The following VASP variants were observed in gnomAD, a reference collection of about 807,000 sequenced individuals.
VASP encodes the protein vasodilator-stimulated phosphoprotein.
VASP carries 27 observed loss-of-function variants against 54.4 expected under a neutral mutation model. That is an observed-to-expected ratio of 0.50 (90% CI 0.37 to 0.68). VASP has a LOEUF of 0.68. VASP is among the 30% of genes least tolerant of loss of function. VASP has a pLI of 0.00. For synonymous variants in VASP, 233 were observed against 209.8 expected, an observed-to-expected ratio of 1.11 and a Z score of -0.96; for missense variants, 488 against 528.3, an observed-to-expected ratio of 0.92 and a Z score of 0.75.
At chr19:45,516,757 G>A (rs969799491) in intron 1 of VASP, among the ~76,000 whole-genome samples, 2 of 152,012 alleles carry the variant, frequency 1.3e-5, no homozygotes, top group African/African-American at 4.8e-5. Context: ...CCAGCACTTT[G>A]TGGGGCTGAG....
At position 45,526,220 on chromosome 19, in the gene VASP, G is replaced by C. The variant is rs1360910670; in HGVS notation, c.*43G>C. 1 of 1,582,646 alleles carries C rather than the reference G, an allele frequency of 6.3e-7. No individual in the cohort carries two copies. The highest frequency in any genetic ancestry group is 1.4e-5 in the African/African-American group (1 of 73,034). On this transcript the variant is annotated 3_prime_UTR_variant, in exon 13 of 13. Coordinates refer to ENST00000245932, the MANE Select transcript of VASP (RefSeq NM_003370.4). ...ACCCGCTTCTCCTTTCCGCACACCCGGCCTGTCACCCTGCTTTCCCTGCCT... is the reference window on the plus strand; with the variant it reads ...ACCCGCTTCTCCTTTCCGCACACCCCGCCTGTCACCCTGCTTTCCCTGCCT...
rs371055390 is a variant in VASP at position 45,519,665 on chromosome 19, C to T, written c.343+1571C>T. ...GGTTGGAGTGCAGTGGCGCGATCTC[C>T]GCTCGCTGCAAGCTCTGCCTCCCGG... On this transcript the variant is annotated intron_variant, in intron 3 of 12. Coordinates refer to ENST00000245932, the MANE Select transcript of VASP (RefSeq NM_003370.4). Among the ~76,000 whole-genome samples, 26 of 148,632 alleles carry T rather than the reference C, an allele frequency of 1.7e-4. No homozygotes were observed. In the East Asian group the frequency reaches 2.8e-3, roughly 16 times the overall value.
At position 45,526,707 on chromosome 19, in the gene VASP, C is replaced by A. The variant is rs1486127406; in HGVS notation, c.*530C>A. The A allele has an allele frequency of 6.6e-6, 1 of 151,852 alleles. No individual in the cohort carries two copies. The highest frequency in any genetic ancestry group is 1.5e-5 in the Non-Finnish European group (1 of 67,858). 9.4% of individuals were successfully genotyped at this position (151,852 alleles called of 1,614,324 possible). On this transcript the variant is annotated 3_prime_UTR_variant, in exon 13 of 13. Coordinates refer to ENST00000245932, the MANE Select transcript of VASP (RefSeq NM_003370.4). ...TATTTAAGGGGAGGGGATGTCTCAC[C>A]GGGCTGGGGGTGAGATATCCCCCCA...
Position 45,523,704 on chromosome 19 carries a change from G to A in VASP, c.873+9G>A. 4 of 1,614,126 alleles carry A rather than the reference G, an allele frequency of 2.5e-6. No individual in the cohort carries two copies. Among genetic ancestry groups the A allele is most frequent in the Non-Finnish European group, 2.5e-6 (3 of 1,180,024 alleles). ...AGGATGAATCTGCCAATGTAAGTCA[G>A]GGACTCTTCTTGCCCTACATCTCTT... is the stretch of plus-strand genomic sequence containing the variant. On this transcript the variant is annotated intron_variant, in intron 8 of 12. Transcript: ENST00000245932.
At chr19:45,520,195 C>A (rs1438824409) in intron 3 of VASP, among the ~76,000 whole-genome samples, 1 of 152,206 alleles carries the variant, frequency 6.6e-6, no homozygotes, top group Non-Finnish European at 1.5e-5. Context: ...AGTCACGCGC[C>A]CAGCCCAGTT....
At position 45,523,589 on chromosome 19, in the gene VASP, A is replaced by G; in HGVS notation, c.822-55A>G. The G allele has an allele frequency of 1.9e-6, 3 of 1,588,926 alleles. No individual in the cohort carries two copies. The African/African-American group carries it at 4.0e-5, about 21-fold the overall frequency. On this transcript the variant is annotated intron_variant, in intron 7 of 12. Transcript: ENST00000245932. ...GATCTACATTTCTAGAACTCCCCTC[A>G]GAAGGGGATGGGTTGGGTGACGGAA...
chr19:45,510,831 G>A (rs748995989), intron 1 of VASP, among the ~76,000 whole-genome samples: 1 of 151,864 alleles, frequency 6.6e-6, no homozygotes, highest in Non-Finnish European at 1.5e-5. Flanking sequence ...TACTCTGGAG[G>A]CTGAGGCGAG....
chr19:45,516,158 A>C, intron 1 of VASP, among the ~76,000 whole-genome samples: 1 of 151,884 alleles, frequency 6.6e-6, no homozygotes, highest in East Asian at 1.9e-4. Flanking sequence ...CTTGGTCCTA[A>C]ACCTGGGTTG....
At chr19:45,518,301 C>T (rs907734386) in intron 3 of VASP, among the ~76,000 whole-genome samples, 4 of 152,188 alleles carry the variant, frequency 2.6e-5, no homozygotes, top group African/African-American at 9.7e-5. Flanking sequence ...GGCGCCGTGG[C>T]TCATGCCTGT....
intron 3 of VASP, 97 bp from the exon 4 acceptor site, chr19:45,521,225 G>T: frequency 8.0e-7 from 1 of 1,253,752 alleles, no homozygotes; most frequent in South Asian, 1.3e-5. Flanking sequence ...AGCGCCTCTG[G>T]GCAGGATTCC....
chr19:45,512,840 C>A (rs770816725), intron 1 of VASP, among the ~76,000 whole-genome samples: 3 of 152,136 alleles, frequency 2.0e-5, no homozygotes, highest in Non-Finnish European at 4.4e-5. Context: ...ACCTTGTGAT[C>A]CGCCTGCCTT....
chr19:45,523,495 C>A, intron 7 of VASP, 149 bp from the exon 8 acceptor site: 1 of 905,294 alleles, frequency 1.1e-6, no homozygotes, highest in Non-Finnish European at 1.7e-6. Flanking sequence ...CTGCGCCCAG[C>A]ACAATCTCTT....
rs982969823 is a variant in VASP at position 45,507,628 on chromosome 19, T to TC, written c.-140dup. On this transcript the variant is annotated 5_prime_UTR_variant, in exon 1 of 13. Coordinates refer to ENST00000245932, the MANE Select transcript of VASP (RefSeq NM_003370.4). The surrounding 1 kb of genome is among the most constrained non-coding windows in gnomAD (Gnocchi z 4.4). The stretch of plus-strand genomic sequence containing the variant: ...ACCCGCCCCGGCCCGGTCCACATTC[T>TC]CCCCAGGAAGCCGGACTCTATGGGG... 93 of 1,061,196 alleles carry TC rather than the reference T, an allele frequency of 8.8e-5. No individual in the cohort carries two copies. In the African/African-American group the frequency reaches 1.4e-3, roughly 16 times the overall value. 65.7% of individuals were successfully genotyped at this position (1,061,196 alleles called of 1,614,324 possible). A position where few individuals can be genotyped will look rare whatever the true frequency, so the allele number is the denominator to read the frequency against.
At chr19:45,517,325 C>T (rs1202348371) in intron 1 of VASP, among the ~76,000 whole-genome samples, 1 of 151,966 alleles carries the variant, frequency 6.6e-6, no homozygotes, top group Admixed American at 6.6e-5. Context: ...GCCTCTTCCT[C>T]CAGGTCCCCT....
In VASP at chr19:45,510,221, T is replaced by C. The variant is rs113750152; in HGVS notation, c.5+2445T>C. The stretch of plus-strand genomic sequence containing the variant: ...TGACAGCAATTCTGGCTGGTTTTTT[T>C]GTTGGTTTGTTTGTTTGTTTTGAGA... On this transcript the variant is annotated intron_variant, in intron 1 of 12. Coordinates refer to ENST00000245932, the MANE Select transcript of VASP (RefSeq NM_003370.4). Among the ~76,000 whole-genome samples the C allele has an allele frequency of 3.3e-5, 5 of 152,122 alleles. No individual in the cohort carries two copies. The South Asian group carries it at 1.0e-3, about 32-fold the overall frequency.
In VASP at chr19:45,522,752, A is replaced by G. The variant is rs748699162; in HGVS notation, c.755A>G (p.Lys252Arg). ...EEASGGPTAPKAESGRSGGGG... is the reference protein window; with the variant it reads ...EEASGGPTAPRAESGRSGGGG... Reference sequence around the variant, plus strand: ...GCCTCAGGGGGGCCCACAGCCCCCAAAGCTGAGAGTGGTCGAAGCGGAGGT... The same window carrying G: ...GCCTCAGGGGGGCCCACAGCCCCCAGAGCTGAGAGTGGTCGAAGCGGAGGT... Residue 252 changes from lysine (K) to arginine (R), a missense_variant, in exon 7 of 13, where the codon AAA becomes AGA. Lys to Arg is a conservative substitution (Grantham distance 26). Transcript: ENST00000245932. The G allele has an allele frequency of 1.6e-5, 26 of 1,601,642 alleles. No homozygotes were observed. The highest frequency in any genetic ancestry group is 1.7e-4 in the Middle Eastern group (1 of 6,034).
intron 4 of VASP, 106 bp downstream of exon 4, chr19:45,521,512 G>C: frequency 3.8e-6 from 4 of 1,039,958 alleles, no homozygotes; most frequent in Non-Finnish European, 5.5e-6. Flanking sequence ...GCAGTTTTCA[G>C]AATGTTCAAG....
At chr19:45,512,531 G>A (rs1968619974) in intron 1 of VASP, among the ~76,000 whole-genome samples, 2 of 151,782 alleles carry the variant, frequency 1.3e-5, no homozygotes, top group Admixed American at 1.3e-4. Flanking sequence ...CAAGAGGTCC[G>A]CCTGCTTCGG....
At chr19:45,522,863 A>C in intron 7 of VASP, 45 bp downstream of exon 7, 2 of 1,559,378 alleles carry the variant, frequency 1.3e-6, no homozygotes, top group Non-Finnish European at 1.7e-6. Flanking sequence ...GTTCCAGTTC[A>C]GTAGGGCCCA....
Sources: allele counts gnomAD v4.1 joint callset (sites outside exome capture counted in the v4.1 genomes callset), GRCh38; gene constraint gnomAD v4.1.1; non-coding constraint Gnocchi (gnomAD v3.1); transcripts MANE v1.5; gene names NCBI Gene and HGNC (gene_info 2026-07-23, HGNC 2026-07-21).